FGF14: variants seen among roughly 807,000 people sequenced by gnomAD.
FGF14 encodes the protein fibroblast growth factor homologous factor 4.
Under a neutral mutation model 25.5 loss-of-function variants are expected in FGF14, and 5 were observed. The ratio of observed to expected loss-of-function variants is 0.20; its 90% CI spans 0.10 to 0.41. The LOEUF (loss-of-function observed/expected upper bound fraction) is 0.41. Among genes scored for constraint, FGF14 ranks in the 10% least tolerant of loss-of-function variants. The pLI is 1.00. For synonymous variants in FGF14, 138 were observed against 118.3 expected (o/e 1.17, Z -1.08); for missense variants, 222 against 320.1 (o/e 0.69, Z 2.34).
intron 1 of FGF14, among the ~76,000 whole-genome samples, chr13:101,926,376 C>T (rs758159336): frequency 2.6e-5 from 4 of 152,184 alleles, no homozygotes; most frequent in Non-Finnish European, 4.4e-5. Context: ...CTAATGATTG[C>T]CTGCTCCTGC....
chr13:101,920,561 C>T (rs973143618), upstream of FGF14, among the ~76,000 whole-genome samples: 4 of 152,154 alleles, frequency 2.6e-5, no homozygotes, highest in African/African-American at 9.7e-5. Flanking sequence ...AAAATGACAG[C>T]TATGACTGTA....
At chr13:101,724,371 T>G (rs1332590429) in intron 4 of FGF14, among the ~76,000 whole-genome samples, 1 of 148,914 alleles carries the variant, frequency 6.7e-6, no homozygotes, top group Non-Finnish European at 1.5e-5. Flanking sequence ...ATGTTCTCAC[T>G]CATAGGTGGG....
chr13:101,828,472 CT>C (rs59346051), intron 3 of FGF14, among the ~76,000 whole-genome samples: 6,245 of 140,738 alleles, frequency 0.044, 170 homozygotes, highest in African/African-American at 0.078. Context: ...AAATAAAAGA[CT>C]TTTTTTTTTT....
Position 102,340,471 on chromosome 13 carries a change from AAG to A in FGF14, c.208+60998_208+60999del, listed in dbSNP as rs1015359257. On this transcript the variant is annotated intron_variant, in intron 1 of 4. Coordinates refer to the FGF14 transcript ENST00000376131. Reference sequence around the variant, plus strand: ...CACACACACACACACACGCCAAAAAAAGAGTGTTCATCAGTTCCAGAAGGTTC... The same window carrying A: ...CACACACACACACACACGCCAAAAAAAGTGTTCATCAGTTCCAGAAGGTTC... Among the ~76,000 whole-genome samples, 17 of 152,018 alleles carry A rather than the reference AAG, an allele frequency of 1.1e-4. No homozygotes were observed. The East Asian group carries it at 1.4e-3, about 12-fold the overall frequency.
chr13:101,883,990 G>A (rs1206745288), intron 1 of FGF14, among the ~76,000 whole-genome samples: 2 of 147,320 alleles, frequency 1.4e-5, no homozygotes, highest in Non-Finnish European at 3.0e-5. Flanking sequence ...TTGAACCTGG[G>A]AGGCGGAGGT....
chr13:101,990,270 C>G (rs1429203514), intron 1 of FGF14, among the ~76,000 whole-genome samples: 2 of 152,120 alleles, frequency 1.3e-5, no homozygotes, highest in East Asian at 3.9e-4. Context: ...TCCTTACACA[C>G]AACCACAGGC....
At chr13:101,887,842 G>A (rs1401646075) in intron 1 of FGF14, among the ~76,000 whole-genome samples, 1 of 152,104 alleles carries the variant, frequency 6.6e-6, no homozygotes, top group Non-Finnish European at 1.5e-5. Context: ...AATATCACAT[G>A]CCCCAGAAAT....
intron 1 of FGF14, among the ~76,000 whole-genome samples, chr13:102,089,887 CTTTAT>C (rs1323703747): frequency 1.3e-5 from 2 of 152,146 alleles, no homozygotes; most frequent in African/African-American, 4.8e-5. Flanking sequence ...TGAAAGTACT[CTTTAT>C]TTTGTGTCCA....
Position 102,323,394 on chromosome 13 carries a change from T to C in FGF14, c.208+78077A>G, listed in dbSNP as rs1011053044. On this transcript the variant is annotated intron_variant, in intron 1 of 4. Coordinates refer to the FGF14 transcript ENST00000376131. ...TTTATTTCATTTCCTGTCTTTGTTA[T>C]TGATGAAGTAAGCTAACTGAATTTC... 3.3e-5 allele frequency among the ~76,000 whole-genome samples: 5 copies of C among 152,214 alleles called. No homozygotes were observed. In the East Asian group the frequency reaches 7.7e-4, roughly 23 times the overall value.
intron 3 of FGF14, among the ~76,000 whole-genome samples, chr13:101,729,277 G>A (rs2035648837): frequency 6.6e-6 from 1 of 152,064 alleles, no homozygotes; most frequent in African/African-American, 2.4e-5. Context: ...TACATTCAAA[G>A]ATGTTATTGT....
At chr13:101,876,645 T>C (rs1052197971) in intron 1 of FGF14, among the ~76,000 whole-genome samples, 7 of 152,134 alleles carry the variant, frequency 4.6e-5, no homozygotes, top group Admixed American at 3.9e-4. Context: ...CATCACAACA[T>C]CAGTGTGACT....
At chr13:101,957,109 A>G (rs957091157) in intron 1 of FGF14, among the ~76,000 whole-genome samples, 1 of 152,178 alleles carries the variant, frequency 6.6e-6, no homozygotes, top group Admixed American at 6.5e-5. Flanking sequence ...AGGAGGGCCT[A>G]TCTTCCCAGT....
chr13:102,089,443 A>G (rs1310837978), intron 1 of FGF14, among the ~76,000 whole-genome samples: 1 of 152,200 alleles, frequency 6.6e-6, no homozygotes, highest in East Asian at 1.9e-4. Flanking sequence ...CAGTGTGACT[A>G]TAAGAAGCAC....
intron 1 of FGF14, among the ~76,000 whole-genome samples, chr13:102,164,131 A>G (rs2047898891): frequency 2.0e-5 from 3 of 152,176 alleles, no homozygotes; most frequent in Admixed American, 6.5e-5. Context: ...AGGTCCTGGA[A>G]TAACAGAGCT....
intron 1 of FGF14, among the ~76,000 whole-genome samples, chr13:102,398,255 A>G (rs1465855132): frequency 2.6e-5 from 4 of 152,182 alleles, no homozygotes; most frequent in Non-Finnish European, 5.9e-5. Context: ...ATTAATAATG[A>G]GCTAATCAAT....
At chr13:101,919,536 T>C (rs932449042), upstream of FGF14, among the ~76,000 whole-genome samples, 1 of 151,920 alleles carries the variant, frequency 6.6e-6, no homozygotes, top group Non-Finnish European at 1.5e-5. Flanking sequence ...CCCAAATCCT[T>C]GGACTTGGGG....
chr13:101,860,132 T>A (rs1401024721), intron 3 of FGF14, among the ~76,000 whole-genome samples: 4 of 152,044 alleles, frequency 2.6e-5, no homozygotes, highest in African/African-American at 9.7e-5. Flanking sequence ...GCAGACTACA[T>A]CTCTTTTTCA....
intron 1 of FGF14, among the ~76,000 whole-genome samples, chr13:102,097,862 G>A (rs2140272989): frequency 6.6e-6 from 1 of 152,310 alleles, no homozygotes; most frequent in African/African-American, 2.4e-5. Flanking sequence ...GCTCCCTGCT[G>A]ATATCTGTGA....
chr13:102,213,817 G>T (rs2050258204), intron 1 of FGF14, among the ~76,000 whole-genome samples: 1 of 152,124 alleles, frequency 6.6e-6, no homozygotes, highest in Non-Finnish European at 1.5e-5. Context: ...TCAGTTACCA[G>T]CCTCTTTAGA....
Sources: allele counts gnomAD v4.1 joint callset (sites outside exome capture counted in the v4.1 genomes callset), GRCh38; gene constraint gnomAD v4.1.1; transcripts MANE v1.5; gene names NCBI Gene and HGNC (gene_info 2026-07-23, HGNC 2026-07-21).